The following TRAPPC6A variants were observed in gnomAD, a reference collection of about 807,000 sequenced individuals.
The protein encoded by TRAPPC6A is TRAPP complex subunit 6A.
TRAPPC6A carries 25 observed loss-of-function variants against 20.8 expected under a neutral mutation model. The ratio of observed to expected loss-of-function variants is 1.20; its 90% CI spans 0.88 to 1.68. TRAPPC6A has a LOEUF of 1.68. Among genes scored for constraint, TRAPPC6A ranks in the 40% most tolerant of loss-of-function variants. The pLI is 0.00. For synonymous variants in TRAPPC6A, 96 were observed against 93.3 expected (o/e 1.03, Z -0.16); for missense variants, 215 against 211.6 (o/e 1.02, Z -0.10).
chr19:45,164,847 T>G lies in TRAPPC6A; in HGVS notation c.270+6A>C. On this transcript the variant is annotated splice_donor_region_variant and intron_variant, in intron 3 of 5. Transcript: ENST00000585934. ...AAGCTGGACGGGCAGGCCGGGGTGC[T>G]CCCACCTGGTGATTGGTGCGCAGGC... The G allele has an allele frequency of 6.2e-7, 1 of 1,613,246 alleles. No homozygotes were observed. The highest frequency in any genetic ancestry group is 1.3e-5 in the African/African-American group (1 of 75,008).
At chr19:45,165,099 G>T (rs1300519800) in intron 2 of TRAPPC6A, 28 bp downstream of exon 2, 2 of 1,612,506 alleles carry the variant, frequency 1.2e-6, no homozygotes, top group East Asian at 2.2e-5. Context: ...CAGCCAGGCT[G>T]GGGGAGAGCA....
chr19:45,166,983 C>T (rs938898460), intron 1 of TRAPPC6A, among the ~76,000 whole-genome samples: 1 of 152,180 alleles, frequency 6.6e-6, no homozygotes, highest in African/African-American at 2.4e-5. Flanking sequence ...CTCTCCTCTG[C>T]CCCCTGAGGA....
At chr19:45,165,309 A>C (rs941474210) in intron 1 of TRAPPC6A, 115 bp from the exon 2 acceptor site, 35 of 984,636 alleles carry the variant, frequency 3.6e-5, no homozygotes, top group Middle Eastern at 2.1e-4. Context: ...TCGTCAGTTC[A>C]GGGGTGAGCA....
At chr19:45,169,422 A>T (rs1969225023) in intron 1 of TRAPPC6A, among the ~76,000 whole-genome samples, 1 of 152,270 alleles carries the variant, frequency 6.6e-6, no homozygotes, top group African/African-American at 2.4e-5. Flanking sequence ...TCTGCCTCCC[A>T]AGTAGCTGGG....
chr19:45,170,549 G>C lies in TRAPPC6A; in HGVS notation c.85-5355C>G, dbSNP rs1038237452. On this transcript the variant is annotated intron_variant, in intron 1 of 5. Coordinates refer to ENST00000585934, the MANE Select transcript of TRAPPC6A (RefSeq NM_001270891.2). ...GTCCTTCAGCCAGGCCAGGAGCGTG[G>C]AGTCTGAAGGGGTTCCAGCAAGTTC... 3.9e-5 allele frequency among the ~76,000 whole-genome samples: 6 copies of C among 152,336 alleles called. No individual in the cohort carries two copies. In the South Asian group the frequency reaches 1.0e-3, roughly 26 times the overall value.
Position 45,163,171 on chromosome 19 carries a change from C to A in TRAPPC6A, c.*21G>T. The stretch of plus-strand genomic sequence containing the variant: ...GGTGAGGCCAGGGGCAGCAGTGCGG[C>A]TCAGCAGGTGCGAGGCAGGCTTAGG... On this transcript the variant is annotated 3_prime_UTR_variant, in exon 6 of 6. Transcript: ENST00000585934. The surrounding 1 kb of genome is among the most constrained non-coding windows in gnomAD (Gnocchi z 5.3). The A allele has an allele frequency of 6.2e-7, 1 of 1,613,882 alleles. No individual in the cohort carries two copies. The highest frequency in any genetic ancestry group is 1.3e-5 in the African/African-American group (1 of 75,040).
intron 1 of TRAPPC6A, among the ~76,000 whole-genome samples, chr19:45,174,181 G>A (rs1428888127): frequency 6.6e-6 from 1 of 152,162 alleles, no homozygotes; most frequent in East Asian, 1.9e-4. Context: ...CAAAGCCTCC[G>A]CCGCCTCATC....
Position 45,163,146 on chromosome 19 carries a change from G to C in TRAPPC6A, c.*46C>G. The stretch of plus-strand genomic sequence containing the variant: ...AGCGGCCCCACCGTCTCCTGAGGCC[G>C]GTGAGGCCAGGGGCAGCAGTGCGGC... On this transcript the variant is annotated 3_prime_UTR_variant, in exon 6 of 6. Transcript: ENST00000585934. The surrounding 1 kb of genome is among the most constrained non-coding windows in gnomAD (Gnocchi z 5.3). 1 of 1,612,452 alleles carries C rather than the reference G, an allele frequency of 6.2e-7. No individual in the cohort carries two copies. The highest frequency in any genetic ancestry group is 1.3e-5 in the African/African-American group (1 of 74,994).
In TRAPPC6A at chr19:45,163,951, C is replaced by A; in HGVS notation, c.413G>T (p.Ser138Ile). The change falls in exon 5 of 6, where the codon AGC becomes ATC. Residue 138 changes from serine (S) to isoleucine (I), a missense_variant. By Grantham distance (142) the Ser-to-Ile change is moderately radical (BLOSUM62 -2). Coordinates refer to ENST00000585934, the MANE Select transcript of TRAPPC6A (RefSeq NM_001270891.2). This position sits in a 1 kb window ranked among gnomAD's most constrained non-coding sequence, Gnocchi z 5.3. ...GGCTGCCACGGAGGCGGTGACCACG[C>A]TCTCAATGCCCAGGGTATAGAGGGC... Reference protein sequence around the residue: ...RGALYTLGIESVVTASVAALP... With the variant: ...RGALYTLGIEIVVTASVAALP... The A allele has an allele frequency of 6.3e-7, 1 of 1,582,974 alleles. No individual in the cohort carries two copies. Among genetic ancestry groups the A allele is most frequent in the Admixed American group, 1.9e-5 (1 of 53,824 alleles).
intron 3 of TRAPPC6A, 92 bp downstream of exon 3, chr19:45,164,761 C>A: frequency 8.1e-7 from 1 of 1,234,178 alleles, no homozygotes; most frequent in Non-Finnish European, 1.2e-6. Flanking sequence ...CGGGTCCCGG[C>A]AGCCGCTGCT....
chr19:45,164,099 T>C, intron 4 of TRAPPC6A, 65 bp downstream of exon 4: 1 of 1,549,784 alleles, frequency 6.5e-7, no homozygotes, highest in Non-Finnish European at 8.8e-7. Flanking sequence ...AAAGGCCTGA[T>C]GTGGGATGGG....
intron 3 of TRAPPC6A, 66 bp from the exon 4 acceptor site, chr19:45,164,313 G>A: frequency 1.9e-6 from 2 of 1,044,430 alleles, no homozygotes; most frequent in East Asian, 2.5e-5. Context: ...GGGAGGGTAA[G>A]CAGGAACCCA....
intron 1 of TRAPPC6A, among the ~76,000 whole-genome samples, chr19:45,169,456 C>G (rs1464577628): frequency 1.3e-5 from 2 of 152,196 alleles, no homozygotes; most frequent in African/African-American, 2.4e-5. Flanking sequence ...GCCACTGCGT[C>G]CAGCCCAAAG....
rs192111106 is a variant in TRAPPC6A at position 45,175,240 on chromosome 19, G to A, written c.84+2895C>T. Reference sequence around the variant, plus strand: ...CGCGCCACTGCACTCCAGCCTGGGGGACAGACCGAGACTCTGTCTCAAAAA... The same window carrying A: ...CGCGCCACTGCACTCCAGCCTGGGGAACAGACCGAGACTCTGTCTCAAAAA... On this transcript the variant is annotated intron_variant, in intron 1 of 5. Coordinates refer to ENST00000585934, the MANE Select transcript of TRAPPC6A (RefSeq NM_001270891.2). Among the ~76,000 whole-genome samples the A allele has an allele frequency of 2.9e-3, 412 of 144,132 alleles. 16 individuals are homozygous for A. In the East Asian group the frequency reaches 0.072, roughly 25 times the overall value. 94.6% of individuals were successfully genotyped at this position (144,132 alleles called of 152,430 possible).
chr19:45,164,142 A>T, intron 4 of TRAPPC6A, 22 bp downstream of exon 4: 1 of 1,583,904 alleles, frequency 6.3e-7, no homozygotes, highest in Non-Finnish European at 8.6e-7. Context: ...AGGTGTGGAC[A>T]AGGCCCCAGC....
rs537296475 is a variant in TRAPPC6A, at chr19:45,175,186, G to A, written c.84+2949C>T. 2.8e-3 allele frequency among the ~76,000 whole-genome samples: 430 copies of A among 151,780 alleles called. 2 individuals carry two copies. The highest frequency in any genetic ancestry group is 9.8e-3 in the African/African-American group (404 of 41,392). On this transcript the variant is annotated intron_variant, in intron 1 of 5. Transcript: ENST00000585934. ...TGAGGCAGAAGAATGGCGTGAACCC[G>A]GGAGGCAGAGCTTGCAGTGAGCCCA... is the stretch of plus-strand genomic sequence containing the variant.
At chr19:45,171,299 C>CACTAAACAAA (rs1555749992) in intron 1 of TRAPPC6A, among the ~76,000 whole-genome samples, 3 of 149,836 alleles carry the variant, frequency 2.0e-5, no homozygotes, top group Non-Finnish European at 4.4e-5. Flanking sequence ...GAGACTCAGT[C>CACTAAACAAA]ACAAAACAAA....
At chr19:45,164,277 G>T in intron 3 of TRAPPC6A, 30 bp from the exon 4 acceptor site, 1 of 1,475,506 alleles carries the variant, frequency 6.8e-7, no homozygotes, top group Admixed American at 1.9e-5. Context: ...GGTGGGTGGG[G>T]TCGGGGCCTG....
At chr19:45,164,121 A>C (rs1969083001) in intron 4 of TRAPPC6A, 43 bp downstream of exon 4, 1 of 1,568,990 alleles carries the variant, frequency 6.4e-7, no homozygotes, top group Non-Finnish European at 8.7e-7. Flanking sequence ...CTGGGTAAAC[A>C]GGAGGAAGGG....
Sources: gnomAD v4.1 joint callset for allele counts (sites outside exome capture counted in the v4.1 genomes callset) on GRCh38, gnomAD v4.1.1 for gene constraint, Gnocchi (gnomAD v3.1) non-coding constraint, MANE v1.5 for transcripts, NCBI Gene and HGNC (gene_info 2026-07-23, HGNC 2026-07-21) for gene names.